The following ZNF646 variants were observed in gnomAD, a reference collection of about 807,000 sequenced individuals.
The protein encoded by ZNF646 is zinc finger protein 646.
In ZNF646, 49 loss-of-function variants were observed where a neutral mutation model predicts 115.4. The observed-to-expected ratio is 0.42, with a 90% CI of 0.34 to 0.54. ZNF646 has a LOEUF of 0.54. ZNF646 is among the 20% of genes least tolerant of loss of function. The pLI is 0.04. For missense variants in ZNF646, 2,269 were observed against 2,457.9 expected (o/e 0.92, Z 1.62); for synonymous variants, 933 against 939.0 (o/e 0.99, Z 0.12).
rs2057128830 is a variant in ZNF646 at position 31,079,700 on chromosome 16, G to A, written c.3376G>A (p.Gly1126Arg). The A allele has an allele frequency of 6.2e-7, 1 of 1,613,694 alleles. No individual in the cohort carries two copies. Among genetic ancestry groups the A allele is most frequent in the African/African-American group, 1.3e-5 (1 of 75,020 alleles). Residue 1126 changes from glycine to arginine, a missense_variant, in exon 2 of 3, where the codon GGG becomes AGG. Transcript: ENST00000300850. The surrounding 1 kb of genome is among the most constrained non-coding windows in gnomAD (Gnocchi z 5.5). Reference sequence around the variant, plus strand: ...AGCAGGTAGCAGTGAGCTGCAGGTTGGGCCCATCCCAGAAGGAGGCAGCAA... The same window carrying A: ...AGCAGGTAGCAGTGAGCTGCAGGTTAGGCCCATCCCAGAAGGAGGCAGCAA... The part of the protein sequence containing the change: ...EAAGSSELQV[G>R]PIPEGGSNKP...
chr16:31,076,692 C>G lies in ZNF646; in HGVS notation c.368C>G (p.Ser123Cys), dbSNP rs1278251509. The G allele has an allele frequency of 6.2e-7, 1 of 1,613,538 alleles. No homozygotes were observed. Among genetic ancestry groups the G allele is most frequent in the Non-Finnish European group, 8.5e-7 (1 of 1,179,942 alleles). Reference sequence around the variant, plus strand: ...CCACACCTCCAGGGTGAGACGGTGTCCACTGACTCCTGGGGCCAAAGGCTT... The same window carrying G: ...CCACACCTCCAGGGTGAGACGGTGTGCACTGACTCCTGGGGCCAAAGGCTT... ...ATPHLQGETVSTDSWGQRLGS... is the reference protein window; with the variant it reads ...ATPHLQGETVCTDSWGQRLGS... The change falls in exon 2 of 3, where the codon TCC becomes TGC. Residue 123 changes from serine (S) to cysteine (C), a missense_variant. Physicochemically the swap from Ser to Cys is moderately radical, Grantham distance 112 (BLOSUM62 -1). Coordinates refer to ENST00000300850, the MANE Select transcript of ZNF646 (RefSeq NM_014699.4).
chr16:31,076,757 G>A lies in ZNF646; in HGVS notation c.433G>A (p.Glu145Lys), dbSNP rs372594972. 3.1e-6 allele frequency: 5 copies of A among 1,613,744 alleles called. No homozygotes were observed. The highest frequency in any genetic ancestry group is 4.2e-6 in the Non-Finnish European group (5 of 1,180,050). Reference sequence around the variant, plus strand: ...CTGGGAAAACCAGACAAAACATACAGAAGAGACACCTGACTGTGAATCTGT... The same window carrying A: ...CTGGGAAAACCAGACAAAACATACAAAAGAGACACCTGACTGTGAATCTGT... Reference protein sequence around the residue: ...EGWENQTKHTEETPDCESVPD... With the variant: ...EGWENQTKHTKETPDCESVPD... Residue 145 changes from glutamate (E) to lysine (K), a missense_variant, in exon 2 of 3, where the codon GAA becomes AAA. Glu to Lys is a moderately conservative substitution (Grantham distance 56, BLOSUM62 1). This residue lies in a region of ZNF646 where 334 missense variants were observed against 323.5 expected (regional missense o/e 1.03). Coordinates refer to ENST00000300850, the MANE Select transcript of ZNF646 (RefSeq NM_014699.4).
In ZNF646 at chr16:31,083,862, C is replaced by T. The variant is rs758367610; in HGVS notation, c.*770C>T. ...GTCCTCATCCTCACGGCTTTGGTCCCTCCCTCCCTCCCCATTCCTCGAAGG... is the reference window on the plus strand; with the variant it reads ...GTCCTCATCCTCACGGCTTTGGTCCTTCCCTCCCTCCCCATTCCTCGAAGG... On this transcript the variant is annotated 3_prime_UTR_variant, in exon 3 of 3. Transcript: ENST00000300850. 1.3e-6 allele frequency: 2 copies of T among 1,594,052 alleles called. No homozygotes were observed. The highest frequency in any genetic ancestry group is 2.2e-5 in the East Asian group (1 of 44,458).
Position 31,080,222 on chromosome 16 carries a change from C to A in ZNF646, c.3898C>A (p.Arg1300Ser), listed in dbSNP as rs369638183. The change falls in exon 2 of 3, where the codon CGC becomes AGC. Residue 1300 changes from arginine to serine, a missense_variant. Physicochemically the swap from Arg to Ser is moderately radical, Grantham distance 110. Coordinates refer to ENST00000300850, the MANE Select transcript of ZNF646 (RefSeq NM_014699.4). ...GGCGACTCGGGAAGATCGGCCCTTC[C>A]GCTGTGGGCAGTGCGGGCGGACCTA... ...RKATREDRPF[R>S]CGQCGRTYRH... The A allele has an allele frequency of 2.5e-6, 4 of 1,609,570 alleles. No homozygotes were observed. The African/African-American group carries it at 5.4e-5, about 22-fold the overall frequency.
Position 31,083,522 on chromosome 16 carries a change from C to A in ZNF646, c.*430C>A. 7.3e-7 allele frequency: 1 copy of A among 1,370,838 alleles called. No individual in the cohort carries two copies. The highest frequency in any genetic ancestry group is 9.4e-7 in the Non-Finnish European group (1 of 1,059,040). 84.9% of individuals were successfully genotyped at this position (1,370,838 alleles called of 1,614,324 possible). ...GAAATTTTCAAAACAACGTGGCTGGCGTGATTGTATCTGAAAGGGTAAAGG... is the reference window on the plus strand; with the variant it reads ...GAAATTTTCAAAACAACGTGGCTGGAGTGATTGTATCTGAAAGGGTAAAGG... On this transcript the variant is annotated 3_prime_UTR_variant, in exon 3 of 3. Transcript: ENST00000300850.
Position 31,076,234 on chromosome 16 carries a change from C to A in ZNF646, c.-79-12C>A. The A allele has an allele frequency of 3.4e-6, 5 of 1,486,050 alleles. No individual in the cohort carries two copies. The highest frequency in any genetic ancestry group is 4.5e-6 in the Non-Finnish European group (5 of 1,114,304). The allele number at this position is 1,486,050 out of a possible 1,614,324, so 92.1% of individuals were successfully genotyped here. On this transcript the variant is annotated splice_polypyrimidine_tract_variant and intron_variant, in intron 1 of 2. Transcript: ENST00000300850. ...TCAGGCCTTCCTTTTGACCACTGCC[C>A]CCTCTTCCTAGGCCTTGGCCCCTCC...
rs1444468027 is a variant in ZNF646, at chr16:31,081,774, G to T, written c.5377+73G>T. 5 of 1,473,716 alleles carry T rather than the reference G, an allele frequency of 3.4e-6. No individual in the cohort carries two copies. In the South Asian group the frequency reaches 6.9e-5, roughly 20 times the overall value. The allele number at this position is 1,473,716 out of a possible 1,614,324, so 91.3% of individuals were successfully genotyped here. On this transcript the variant is annotated intron_variant, in intron 2 of 2. Transcript: ENST00000300850. ...GGGAAGTCCAGCCCCAAAGTCGGTGGGGGAGCAAGGAGTGAGAGGAGAGAG... is the reference window on the plus strand; with the variant it reads ...GGGAAGTCCAGCCCCAAAGTCGGTGTGGGAGCAAGGAGTGAGAGGAGAGAG...
Position 31,081,475 on chromosome 16 carries a change from G to A in ZNF646, c.5151G>A (p.Leu1717=), listed in dbSNP as rs200922398. 1.2e-4 allele frequency: 192 copies of A among 1,614,196 alleles called. No individual in the cohort carries two copies. The East Asian group carries it at 3.8e-3, about 32-fold the overall frequency. ...SLCPKLLPNL[L]SLKNHSRTHT... ...GTCCCAAACTTCTCCCTAACCTGCTGTCTCTTAAGAACCACAGCAGGACCC... is the reference window on the plus strand; with the variant it reads ...GTCCCAAACTTCTCCCTAACCTGCTATCTCTTAAGAACCACAGCAGGACCC... Residue 1717 remains leucine (L), a synonymous_variant, in exon 2 of 3, where the codon CTG becomes CTA. Coordinates refer to ENST00000300850, the MANE Select transcript of ZNF646 (RefSeq NM_014699.4).
Position 31,081,291 on chromosome 16 carries a change from TGGAGAGAGCCAGGGGA to T in ZNF646, c.4971_4986del (p.Glu1657AspfsTer4). The T allele has an allele frequency of 6.2e-7, 1 of 1,613,314 alleles. No individual in the cohort carries two copies. The highest frequency in any genetic ancestry group is 1.3e-5 in the African/African-American group (1 of 75,016). On this transcript the variant is annotated frameshift_variant, in exon 2 of 3. Transcript: ENST00000300850. LOFTEE classifies it high-confidence loss of function. ...ACCCCCAGAGGCCCAGGAGAGAGTGTGGAGAGAGCCAGGGGAGGACAAGCGGTGACGTCCATGGCGG... is the reference window on the plus strand; with the variant it reads ...ACCCCCAGAGGCCCAGGAGAGAGTGTGGACAAGCGGTGACGTCCATGGCGG...
chr16:31,078,673 C>T lies in ZNF646; in HGVS notation c.2349C>T (p.His783=). 1 of 1,614,210 alleles carries T rather than the reference C, an allele frequency of 6.2e-7. No individual in the cohort carries two copies. Among genetic ancestry groups the T allele is most frequent in the Non-Finnish European group, 8.5e-7 (1 of 1,180,038 alleles). The change falls in exon 2 of 3, where the codon CAC becomes CAT. Residue 783 remains histidine (H), a synonymous_variant. Coordinates refer to ENST00000300850, the MANE Select transcript of ZNF646 (RefSeq NM_014699.4). ...DIPGEEGGGT[H]FCDSLTGVDE... Reference sequence around the variant, plus strand: ...CAGGTGAGGAAGGTGGTGGCACTCACTTCTGCGATAGCCTCACTGGGGTGG... The same window carrying T: ...CAGGTGAGGAAGGTGGTGGCACTCATTTCTGCGATAGCCTCACTGGGGTGG...
intron 1 of ZNF646, 62 bp from the exon 2 acceptor site, chr16:31,076,184 C>A: frequency 8.5e-7 from 1 of 1,181,526 alleles, no homozygotes; most frequent in Non-Finnish European, 1.1e-6. Context: ...ACTTGTTGCT[C>A]GTAGAGCCAA....
rs1271418061 is a variant in ZNF646, at chr16:31,080,155, G to C, written c.3831G>C (p.Gln1277His). 11 of 1,612,652 alleles carry C rather than the reference G, an allele frequency of 6.8e-6. No individual in the cohort carries two copies. The highest frequency in any genetic ancestry group is 8.5e-6 in the Non-Finnish European group (10 of 1,179,680). Residue 1277 changes from glutamine to histidine, a missense_variant, in exon 2 of 3, where the codon CAG becomes CAC. Gln to His is a conservative substitution (Grantham distance 24). Transcript: ENST00000300850. Reference sequence around the variant, plus strand: ...TGCGGAAACAGCTGGCCAGCCACCAGCGGGTCCACATGGAACGGCGTGGGG... The same window carrying C: ...TGCGGAAACAGCTGGCCAGCCACCACCGGGTCCACATGGAACGGCGTGGGG... ...FRLRKQLASHQRVHMERRGGG... is the reference protein window; with the variant it reads ...FRLRKQLASHHRVHMERRGGG...
rs777268674 is a variant in ZNF646, at chr16:31,081,789, A to G, written c.5377+88A>G. 19 of 1,455,986 alleles carry G rather than the reference A, an allele frequency of 1.3e-5. No homozygotes were observed. The South Asian group carries it at 2.1e-4, about 16-fold the overall frequency. 90.2% of individuals were successfully genotyped at this position (1,455,986 alleles called of 1,614,324 possible). ...AAAGTCGGTGGGGGAGCAAGGAGTG[A>G]GAGGAGAGAGCCCCGGGGATTCTAA... On this transcript the variant is annotated intron_variant, in intron 2 of 2. Transcript: ENST00000300850.
chr16:31,081,968 A>C (rs1202655827), intron 2 of ZNF646: 3 of 534,294 alleles, frequency 5.6e-6, no homozygotes, highest in Non-Finnish European at 1.0e-5. Context: ...CTCCTCCATT[A>C]CACTGTAGCC....
Position 31,081,355 on chromosome 16 carries a change from C to T in ZNF646, c.5031C>T (p.Phe1677=). Residue 1677 remains phenylalanine, a synonymous_variant, in exon 2 of 3, where the codon TTC becomes TTT. Transcript: ENST00000300850. ...SMAAEDKERP[F]RCTQCGRSYR... Reference sequence around the variant, plus strand: ...CGGCTGAGGACAAGGAGCGGCCCTTCCGCTGCACCCAGTGCGGGCGCTCCT... The same window carrying T: ...CGGCTGAGGACAAGGAGCGGCCCTTTCGCTGCACCCAGTGCGGGCGCTCCT... The T allele has an allele frequency of 6.2e-7, 1 of 1,613,850 alleles. No homozygotes were observed. The highest frequency in any genetic ancestry group is 8.5e-7 in the Non-Finnish European group (1 of 1,179,830).
At chr16:31,073,883 C>T (rs2057040605), upstream of ZNF646, 1 of 152,192 alleles carries the variant, frequency 6.6e-6, no homozygotes, top group Non-Finnish European at 1.5e-5. Context: ...TGCAAGAGGT[C>T]TCTGTGTGTG....
chr16:31,083,876 A>G lies in ZNF646; in HGVS notation c.*784A>G, dbSNP rs982546601. On this transcript the variant is annotated 3_prime_UTR_variant, in exon 3 of 3. Transcript: ENST00000300850. ...GGCTTTGGTCCCTCCCTCCCTCCCC[A>G]TTCCTCGAAGGAACAGGGTCTGTCT... 1.0e-5 allele frequency: 15 copies of G among 1,477,724 alleles called. No individual in the cohort carries two copies. The highest frequency in any genetic ancestry group is 1.4e-5 in the Non-Finnish European group (15 of 1,082,786). The allele number at this position is 1,477,724 out of a possible 1,614,324, so 91.5% of individuals were successfully genotyped here.
In ZNF646 at chr16:31,079,877, A is replaced by G. The variant is rs1271194365; in HGVS notation, c.3553A>G (p.Arg1185Gly). 1.9e-6 allele frequency: 3 copies of G among 1,612,386 alleles called. No individual in the cohort carries two copies. In the African/African-American group the frequency reaches 4.0e-5, roughly 22 times the overall value. Residue 1185 changes from arginine (R) to glycine (G), a missense_variant, in exon 2 of 3, where the codon AGG (arginine) becomes GGG (glycine). Physicochemically the swap from Arg to Gly is moderately radical, Grantham distance 125. Transcript: ENST00000300850. The surrounding 1 kb of genome is among the most constrained non-coding windows in gnomAD (Gnocchi z 5.5). ...TGTGAAGGGGGAGGAGATAGAGCCC[A>G]GGCTGGAGACTGCCGAGAAGGGCTG... Reference protein sequence around the residue: ...TTVKGEEIEPRLETAEKGCQT... With the variant: ...TTVKGEEIEPGLETAEKGCQT...
rs754573732 is a variant in ZNF646, at chr16:31,081,075, C to A, written c.4751C>A (p.Thr1584Asn). The A allele has an allele frequency of 1.2e-6, 2 of 1,613,958 alleles. No homozygotes were observed. Among genetic ancestry groups the A allele is most frequent in the South Asian group, 2.2e-5 (2 of 91,088 alleles). The change falls in exon 2 of 3, where the codon ACC becomes AAC. Residue 1584 changes from threonine (T) to asparagine (N), a missense_variant. By Grantham distance (65) the Thr-to-Asn change is moderately conservative (BLOSUM62 0). Transcript: ENST00000300850. ...SHSHNHIDAQ[T>N]FACPDCGKAF... ...AGCCACAACCACATAGACGCCCAGA[C>A]CTTTGCCTGTCCTGACTGTGGCAAA...
Sources: gnomAD v4.1 joint callset for allele counts on GRCh38, gnomAD v4.1.1 for gene constraint, gnomAD v4.1.1 regional missense constraint, Gnocchi (gnomAD v3.1) non-coding constraint, MANE v1.5 for transcripts, NCBI Gene and HGNC (gene_info 2026-07-23, HGNC 2026-07-21) for gene names.